The following ANK2 variants were observed in gnomAD, a reference collection of about 807,000 sequenced individuals.
The protein encoded by ANK2 is ankyrin-2.
ANK2 carries 83 observed loss-of-function variants against 360.5 expected under a neutral mutation model. The observed-to-expected ratio is 0.23, with a 90% confidence interval of 0.19 to 0.28. The LOEUF (loss-of-function observed/expected upper bound fraction) is 0.28, where lower values mean the gene tolerates loss of function less well. ANK2 is among the 10% of genes least tolerant of loss of function. The pLI is 1.00. For synonymous variants in ANK2, 1,740 were observed against 1,759.5 expected (o/e 0.99, Z 0.28); for missense variants, 4,201 against 4,795.7 (o/e 0.88, Z 3.66).
intron 2 of ANK2, among the ~76,000 whole-genome samples, chr4:113,006,877 C>T (rs941835517): frequency 3.3e-5 from 5 of 151,258 alleles, no homozygotes; most frequent in African/African-American, 1.2e-4. Flanking sequence ...AGGACTTTGT[C>T]ATGAATCCAT....
At chr4:112,957,097 G>C (rs906135361) in intron 2 of ANK2, among the ~76,000 whole-genome samples, 2 of 149,380 alleles carry the variant, frequency 1.3e-5, no homozygotes, top group African/African-American at 5.0e-5. Context: ...CAATAGTGGA[G>C]GGAAGGTCAG....
At chr4:112,945,710 C>T (rs1263286766) in intron 2 of ANK2, among the ~76,000 whole-genome samples, 2 of 152,174 alleles carry the variant, frequency 1.3e-5, no homozygotes, top group Non-Finnish European at 2.9e-5. Context: ...CAACAGACTC[C>T]AGTTTGAAAA....
intron 21 of ANK2, chr4:113,293,200 C>T: frequency 1.5e-6 from 1 of 651,122 alleles, no homozygotes; most frequent in Non-Finnish European, 2.8e-6. Flanking sequence ...GCGTCAAGTG[C>T]TTCTTATTAA....
chr4:113,156,374 T>TTTTTTTTTTTTTTTG (rs1583285890), intron 1 of ANK2, among the ~76,000 whole-genome samples: 7 of 144,384 alleles, frequency 4.8e-5, no homozygotes, highest in African/African-American at 1.3e-4. Flanking sequence ...AAAAATTCTT[T>TTTTTTTTTTTTTTTG]TTTTTTTGTT....
At position 113,357,681 on chromosome 4, in the gene ANK2, TACA is replaced by T. The variant is rs1209343108; in HGVS notation, c.9070_9072del (p.Thr3024del). 1.4e-5 allele frequency: 22 copies of T among 1,614,072 alleles called. No individual in the cohort carries two copies. In the African/African-American group the frequency reaches 1.5e-4, roughly 11 times the overall value. Reference sequence around the variant, plus strand: ...CATCTTTCGAGCCTACTATGTCCGCTACAACAACAGTTGTTGGTGAACAAATAA... The same window carrying T: ...CATCTTTCGAGCCTACTATGTCCGCTACAACAGTTGTTGGTGAACAAATAA... On this transcript the variant is annotated inframe_deletion, in exon 38 of 46. Coordinates refer to ENST00000357077, the MANE Select transcript of ANK2 (RefSeq NM_001148.6).
At chr4:112,977,552 T>A (rs777573204) in intron 2 of ANK2, among the ~76,000 whole-genome samples, 1 of 151,576 alleles carries the variant, frequency 6.6e-6, no homozygotes, top group African/African-American at 2.4e-5. Flanking sequence ...TAAAAAAAAT[T>A]TTATTTATTT....
chr4:112,873,100 T>C (rs1430325867), intron 1 of ANK2, among the ~76,000 whole-genome samples: 2 of 152,092 alleles, frequency 1.3e-5, no homozygotes, highest in Non-Finnish European at 2.9e-5. Flanking sequence ...GTAATTTGAA[T>C]TTTCTCTCTT....
At position 113,358,290 on chromosome 4, in the gene ANK2, C is replaced by A. The variant is rs374689504; in HGVS notation, c.9672C>A (p.Asp3224Glu). The change falls in exon 38 of 46, where the codon GAC becomes GAA. Residue 3224 changes from aspartate to glutamate, a missense_variant. Asp to Glu is a conservative substitution (Grantham distance 45). Around this residue, in one of 4 missense-constraint regions of ANK2, gnomAD observed 2,642 missense variants for 2,714.5 expected, o/e 0.97. Coordinates refer to ENST00000357077, the MANE Select transcript of ANK2 (RefSeq NM_001148.6). Reference protein sequence around the residue: ...TKEAVSVGTKDLPTVQTGDIP... With the variant: ...TKEAVSVGTKELPTVQTGDIP... ...AAGCTGTTAGTGTAGGGACCAAGGA[C>A]CTCCCCACCGTGCAAACGGGTGATA... is the stretch of plus-strand genomic sequence containing the variant. The A allele has an allele frequency of 1.9e-6, 3 of 1,613,422 alleles. No homozygotes were observed. The African/African-American group carries it at 4.0e-5, about 22-fold the overall frequency.
At position 113,237,191 on chromosome 4, in the gene ANK2, A is replaced by G. The variant is rs754676002; in HGVS notation, c.669+19A>G. The G allele has an allele frequency of 3.1e-6, 5 of 1,609,976 alleles. No homozygotes were observed. The highest frequency in any genetic ancestry group is 2.2e-5 in the South Asian group (2 of 91,010). ...ATCCAAGGTACTTAAAGCTGAACACATTTGTGGAAAGGAACTCTTTGGCTG... is the reference window on the plus strand; with the variant it reads ...ATCCAAGGTACTTAAAGCTGAACACGTTTGTGGAAAGGAACTCTTTGGCTG... On this transcript the variant is annotated intron_variant, in intron 6 of 45. Coordinates refer to ENST00000357077, the MANE Select transcript of ANK2 (RefSeq NM_001148.6).
intron 2 of ANK2, among the ~76,000 whole-genome samples, chr4:113,042,793 C>A (rs1452035469): frequency 1.3e-5 from 2 of 152,284 alleles, no homozygotes; most frequent in South Asian, 4.1e-4. Context: ...CCCACTTACA[C>A]CTTCCTTTTC....
At chr4:113,208,501 T>C (rs1440681906) in intron 4 of ANK2, among the ~76,000 whole-genome samples, 1 of 151,778 alleles carries the variant, frequency 6.6e-6, no homozygotes, top group Non-Finnish European at 1.5e-5. Context: ...TTTGTTTGTT[T>C]ATTTTATTTT....
intron 2 of ANK2, among the ~76,000 whole-genome samples, chr4:113,030,204 A>G (rs1400879183): frequency 6.6e-6 from 1 of 152,120 alleles, no homozygotes; most frequent in East Asian, 1.9e-4. Context: ...TATAACTAAA[A>G]AAAACCAAAT....
At chr4:113,116,999 G>C in intron 1 of ANK2, 2 of 262,616 alleles carry the variant, frequency 7.6e-6, no homozygotes, top group Non-Finnish European at 1.5e-5. Context: ...CTTCCCCCGG[G>C]ACCATTTCTG....
chr4:112,972,410 A>C (rs1226996780), intron 2 of ANK2, among the ~76,000 whole-genome samples: 1 of 151,992 alleles, frequency 6.6e-6, no homozygotes, highest in African/African-American at 2.4e-5. Context: ...TGATCACTGC[A>C]ATTACTACTG....
At chr4:113,057,385 G>A (rs1477440039) in intron 1 of ANK2, among the ~76,000 whole-genome samples, 1 of 152,112 alleles carries the variant, frequency 6.6e-6, no homozygotes, top group African/African-American at 2.4e-5. Flanking sequence ...TAAAGGAAGG[G>A]GATACACAGG....
the ANK2 span, among the ~76,000 whole-genome samples, chr4:112,795,850 GT>G: frequency 6.7e-6 from 1 of 150,372 alleles, no homozygotes. Context: ...CCAGGCTGGA[GT>G]GCAGTGGTGT....
intron 26 of ANK2, among the ~76,000 whole-genome samples, chr4:113,326,704 T>C (rs2090141958): frequency 6.6e-6 from 1 of 152,188 alleles, no homozygotes; most frequent in South Asian, 2.1e-4. Context: ...CTTGTTTTCT[T>C]TAAAAATTTA....
At chr4:112,751,719 C>T in the ANK2 span, among the ~76,000 whole-genome samples, 1 of 151,946 alleles carries the variant, frequency 6.6e-6, no homozygotes. Flanking sequence ...GAGGGAGTTC[C>T]CACCAGATGG....
intron 2 of ANK2, among the ~76,000 whole-genome samples, chr4:112,996,989 T>C (rs1039847172): frequency 3.3e-5 from 5 of 152,160 alleles, no homozygotes; most frequent in Admixed American, 2.6e-4. Flanking sequence ...CTCCTAATGC[T>C]TTTTCACTCT....
Sources: allele counts gnomAD v4.1 joint callset (sites outside exome capture counted in the v4.1 genomes callset), GRCh38; gene constraint gnomAD v4.1.1; regional missense constraint gnomAD v4.1.1; transcripts MANE v1.5; gene names NCBI Gene and HGNC (gene_info 2026-07-23, HGNC 2026-07-21).